RBMS2: variants seen among roughly 807,000 people sequenced by gnomAD.
RBMS2 encodes the protein RNA-binding motif, single-stranded-interacting protein 2.
In RBMS2, 38 loss-of-function variants were observed where a neutral mutation model predicts 58.4. That is an observed-to-expected ratio of 0.65 (90% confidence interval 0.50 to 0.85). RBMS2 has a LOEUF of 0.85. RBMS2 is among the 40% of genes least tolerant of loss of function. The pLI is 0.00. For missense variants in RBMS2, 367 were observed against 503.7 expected (o/e 0.73, Z 2.60); for synonymous variants, 151 against 180.7 (o/e 0.84, Z 1.32).
At position 56,586,932 on chromosome 12, in the gene RBMS2, T is replaced by C. The variant is rs1314683498; in HGVS notation, c.951+6T>C. On this transcript the variant is annotated splice_donor_region_variant and intron_variant, in intron 10 of 13. Transcript: ENST00000262031. The stretch of plus-strand genomic sequence containing the variant: ...CATACCTCATGCAGCCTTCAGTGAG[T>C]ATTCAGAAGTGGGCAGAAGCCAAAG... 1 of 1,610,914 alleles carries C rather than the reference T, an allele frequency of 6.2e-7. No individual in the cohort carries two copies. Among genetic ancestry groups the C allele is most frequent in the African/African-American group, 1.3e-5 (1 of 74,940 alleles).
Position 56,586,806 on chromosome 12 carries a change from A to G in RBMS2, c.874-43A>G, listed in dbSNP as rs752079252. 4 of 1,514,766 alleles carry G rather than the reference A, an allele frequency of 2.6e-6. 1 individual carries two copies. The South Asian group carries it at 3.4e-5, about 13-fold the overall frequency. The allele number at this position is 1,514,766 out of a possible 1,614,324, so 93.8% of individuals were successfully genotyped here. On this transcript the variant is annotated intron_variant, in intron 9 of 13. Transcript: ENST00000262031. The stretch of plus-strand genomic sequence containing the variant: ...CATTATTAGATCTGTGGGCTGAATA[A>G]TAGTTTCCAGGCAATTAACATTTTT...
chr12:56,540,417 A>G (rs945616376), intron 1 of RBMS2, among the ~76,000 whole-genome samples: 2 of 152,164 alleles, frequency 1.3e-5, no homozygotes, highest in African/African-American at 4.8e-5. Context: ...TTTCTGTCCC[A>G]GGCTGGAGTG....
chr12:56,534,092 C>T (rs1183192827), intron 1 of RBMS2, among the ~76,000 whole-genome samples: 1 of 152,104 alleles, frequency 6.6e-6, no homozygotes, highest in East Asian at 1.9e-4. Flanking sequence ...GCTGTAGTGT[C>T]TTATTGCAGC....
intron 9 of RBMS2, among the ~76,000 whole-genome samples, chr12:56,586,118 G>A (rs919010717): frequency 2.6e-5 from 4 of 152,106 alleles, no homozygotes; most frequent in African/African-American, 7.2e-5. Context: ...CACGAGGTCA[G>A]GAGATTGAGA....
In RBMS2 at chr12:56,569,900, C is replaced by A. The variant is rs540548567; in HGVS notation, c.294C>A (p.Gly98=). 29 of 1,611,854 alleles carry A rather than the reference C, an allele frequency of 1.8e-5. No homozygotes were observed. The African/African-American group carries it at 3.3e-4, about 19-fold the overall frequency. Residue 98 remains glycine (G), a splice_region_variant and synonymous_variant, in exon 4 of 14, where the codon GGC becomes GGA. Coordinates refer to ENST00000262031, the MANE Select transcript of RBMS2 (RefSeq NM_002898.4). ...GTGATGCTGTTTCCTCTGTTCCAGGCTATGGCTTTGTAGATTTTGACAGCC... is the reference window on the plus strand; with the variant it reads ...GTGATGCTGTTTCCTCTGTTCCAGGATATGGCTTTGTAGATTTTGACAGCC... ...ILDKTTNKCK[G]YGFVDFDSPS...
At chr12:56,573,322 C>G (rs1291251558) in intron 5 of RBMS2, 3 of 348,384 alleles carry the variant, frequency 8.6e-6, no homozygotes, top group South Asian at 1.2e-4. Flanking sequence ...ACTAAAAATA[C>G]AAAAATTAGC....
chr12:56,581,535 G>T, intron 7 of RBMS2, 27 bp downstream of exon 7: 1 of 1,584,914 alleles, frequency 6.3e-7, no homozygotes, highest in Non-Finnish European at 8.7e-7. Flanking sequence ...GGAGACAGGA[G>T]TACTAACGAC....
intron 4 of RBMS2, 100 bp downstream of exon 4, chr12:56,570,090 A>G: frequency 1.8e-6 from 2 of 1,086,982 alleles, no homozygotes; most frequent in South Asian, 2.7e-5. Flanking sequence ...CATGAAATTG[A>G]GTGGGCAAGG....
At chr12:56,567,749 T>C (rs541387555) in intron 2 of RBMS2, among the ~76,000 whole-genome samples, 35 of 152,052 alleles carry the variant, frequency 2.3e-4, no homozygotes, top group African/African-American at 8.2e-4. Flanking sequence ...GAGAATTGCT[T>C]GAGCCCAGGA....
intron 9 of RBMS2, among the ~76,000 whole-genome samples, chr12:56,583,602 C>T (rs947980674): frequency 1.3e-5 from 2 of 151,820 alleles, no homozygotes; most frequent in Admixed American, 6.6e-5. Context: ...TGTGGTGAGC[C>T]GAGATCGCGC....
intron 1 of RBMS2, chr12:56,539,558 A>G: frequency 5.8e-6 from 2 of 347,526 alleles, no homozygotes; most frequent in Non-Finnish European, 1.1e-5. Context: ...ATAATATGCT[A>G]TGATAATAGT....
rs946394791 is a variant in RBMS2 at position 56,585,241 on chromosome 12, G to T, written c.874-1608G>T. Among the ~76,000 whole-genome samples, 4 of 152,214 alleles carry T rather than the reference G, an allele frequency of 2.6e-5. No individual in the cohort carries two copies. The East Asian group carries it at 5.8e-4, about 22-fold the overall frequency. On this transcript the variant is annotated intron_variant, in intron 9 of 13. Transcript: ENST00000262031. ...GTAATCATCAGGAATTTATCTTTGT[G>T]TATGGCATAAGATAGGAGTCTGTTT...
intron 2 of RBMS2, among the ~76,000 whole-genome samples, chr12:56,566,740 C>G (rs948765816): frequency 3.3e-5 from 5 of 151,974 alleles, no homozygotes; most frequent in Non-Finnish European, 7.4e-5. Context: ...ATCGCTTGAA[C>G]CCGGGAGGCG....
intron 1 of RBMS2, among the ~76,000 whole-genome samples, chr12:56,532,385 A>AATATTTT (rs1873913054): frequency 6.6e-6 from 1 of 152,032 alleles, no homozygotes; most frequent in African/African-American, 2.4e-5. Context: ...TCTACTAAAA[A>AATATTTT]TACAAAATTA....
chr12:56,580,918 C>T (rs1483941796), intron 5 of RBMS2, among the ~76,000 whole-genome samples: 1 of 152,098 alleles, frequency 6.6e-6, no homozygotes, highest in South Asian at 2.1e-4. Context: ...ATGGCAGATA[C>T]AAGAGAGGGC....
chr12:56,594,424 C>T lies in RBMS2; in HGVS notation c.*5291C>T, dbSNP rs567243130. ...GCCCTGAATCAGCAGGCTTCAGAGACGAGGGTGGGTGTTATAAAAGCCAGT... is the reference window on the plus strand; with the variant it reads ...GCCCTGAATCAGCAGGCTTCAGAGATGAGGGTGGGTGTTATAAAAGCCAGT... On this transcript the variant is annotated 3_prime_UTR_variant, in exon 14 of 14. Transcript: ENST00000262031. 5.9e-5 allele frequency: 9 copies of T among 152,214 alleles called. 1 individual carries two copies. Among genetic ancestry groups the T allele is most frequent in the African/African-American group, 2.2e-4 (9 of 41,458 alleles). The allele number at this position is 152,214 out of a possible 1,614,324, so 9.4% of individuals were successfully genotyped here. A position where few individuals can be genotyped will look rare whatever the true frequency, so the allele number is the denominator to read the frequency against.
chr12:56,523,566 G>A (rs886107658), intron 1 of RBMS2, among the ~76,000 whole-genome samples: 3 of 152,124 alleles, frequency 2.0e-5, no homozygotes, highest in African/African-American at 7.2e-5. Flanking sequence ...ATCACTTGAG[G>A]TCAGGAGTTC....
chr12:56,525,573 G>A (rs1872525501), intron 1 of RBMS2, among the ~76,000 whole-genome samples: 1 of 152,026 alleles, frequency 6.6e-6, no homozygotes, highest in African/African-American at 2.4e-5. Context: ...GTCTGGGCTG[G>A]AGGACAGTGC....
chr12:56,521,709 C>T (rs1192975172), upstream of RBMS2, among the ~76,000 whole-genome samples: 1 of 151,462 alleles, frequency 6.6e-6, no homozygotes, highest in Non-Finnish European at 1.5e-5. Flanking sequence ...AGCTTTAACT[C>T]CTGAGACTAT....
Sources: gnomAD v4.1 joint callset for allele counts (sites outside exome capture counted in the v4.1 genomes callset) on GRCh38, gnomAD v4.1.1 for gene constraint, MANE v1.5 for transcripts, NCBI Gene and HGNC (gene_info 2026-07-23, HGNC 2026-07-21) for gene names.